The following NBAS variants were observed in gnomAD, a reference collection of about 807,000 sequenced individuals.
NBAS encodes the protein NAG/BC035112 fusion.
NBAS carries 219 observed loss-of-function variants against 302.5 expected under a neutral mutation model. The ratio of observed to expected loss-of-function variants is 0.72; its 90% confidence interval spans 0.65 to 0.81. The LOEUF (loss-of-function observed/expected upper bound fraction) is 0.81, where lower values mean the gene tolerates loss of function less well. Among genes scored for constraint, NBAS ranks in the 30% least tolerant of loss-of-function variants. The pLI is 0.00. For missense variants in NBAS, 2,932 were observed against 2,841.6 expected, an observed-to-expected ratio of 1.03 and a Z score of -0.72; for synonymous variants, 1,118 against 1,021.6, an observed-to-expected ratio of 1.09 and a Z score of -1.80.
chr2:14,838,153 T>TATA, the NBAS span, among the ~76,000 whole-genome samples: 1 of 151,964 alleles, frequency 6.6e-6, no homozygotes. Flanking sequence ...TCTCATACAT[T>TATA]ATTACTATGA....
the NBAS span, among the ~76,000 whole-genome samples, chr2:15,059,692 G>A: frequency 6.6e-6 from 1 of 152,190 alleles, no homozygotes; most frequent in Non-Finnish European, 1.5e-5. Flanking sequence ...TCATGTTGGA[G>A]AGAGGTCTAG....
the NBAS span, among the ~76,000 whole-genome samples, chr2:15,046,390 C>T: frequency 1.1e-4 from 16 of 152,210 alleles, no homozygotes; most frequent in Non-Finnish European, 1.9e-4. Context: ...TATATATCAA[C>T]CTCCAAGAAA....
chr2:14,830,972 T>C, the NBAS span, among the ~76,000 whole-genome samples: 2 of 152,132 alleles, frequency 1.3e-5, no homozygotes, highest in African/African-American at 4.8e-5. Flanking sequence ...GTGAGGCTCA[T>C]AATCAGCTCT....
chr2:15,546,393 A>T (rs1286736501), intron 6 of NBAS, among the ~76,000 whole-genome samples: 1 of 152,214 alleles, frequency 6.6e-6, no homozygotes, highest in African/African-American at 2.4e-5. Flanking sequence ...TAATCTGAGG[A>T]TCCTGAATCA....
At chr2:15,048,735 T>C in the NBAS span, among the ~76,000 whole-genome samples, 1 of 152,194 alleles carries the variant, frequency 6.6e-6, no homozygotes, top group Non-Finnish European at 1.5e-5. Flanking sequence ...ACTCCTTCAG[T>C]CCTGATTCCT....
At chr2:15,228,487 G>A (rs145061730) in intron 47 of NBAS, among the ~76,000 whole-genome samples, 1 of 152,308 alleles carries the variant, frequency 6.6e-6, no homozygotes, top group Non-Finnish European at 1.5e-5. Flanking sequence ...CCGTTACTGA[G>A]TATACATCCA....
At chr2:15,355,919 A>G (rs1207774092) in intron 33 of NBAS, among the ~76,000 whole-genome samples, 1 of 152,210 alleles carries the variant, frequency 6.6e-6, no homozygotes, top group Non-Finnish European at 1.5e-5. Context: ...ATAATACACT[A>G]TCTTTAAAAA....
At chr2:15,487,499 A>G (rs1680681805) in intron 12 of NBAS, among the ~76,000 whole-genome samples, 1 of 152,146 alleles carries the variant, frequency 6.6e-6, no homozygotes, top group Admixed American at 6.6e-5. Flanking sequence ...TGTATTTTCC[A>G]TCAGTGTTTG....
chr2:15,292,605 C>G lies in NBAS; in HGVS notation c.4959G>C (p.Lys1653Asn). The G allele has an allele frequency of 6.2e-7, 1 of 1,614,192 alleles. No homozygotes were observed. ...TQAQILQGLR[K>N]GVDVQRFTAD... ...CAGTAAACCGCTGCACGTCCACACC[C>G]TTCCGAAGGCCCTGAAGGATCTGCG... The change falls in exon 41 of 52, where the codon AAG becomes AAC. Residue 1653 changes from lysine to asparagine, a missense_variant. By Grantham distance (94) the Lys-to-Asn change is moderately conservative. Coordinates refer to ENST00000281513, the MANE Select transcript of NBAS (RefSeq NM_015909.4).
the NBAS span, among the ~76,000 whole-genome samples, chr2:14,786,827 G>T: frequency 1.3e-5 from 2 of 152,158 alleles, no homozygotes; most frequent in African/African-American, 4.8e-5. Context: ...TTCTGTAGAT[G>T]TCTATTAGGT....
chr2:15,539,113 T>C (rs1191613703), intron 7 of NBAS, 110 bp downstream of exon 7: 4 of 1,434,646 alleles, frequency 2.8e-6, no homozygotes, highest in Non-Finnish European at 3.9e-6. Context: ...CCACAGCTTA[T>C]TATTCTGATT....
chr2:15,404,749 G>T (rs558700434), intron 25 of NBAS, among the ~76,000 whole-genome samples: 142 of 152,048 alleles, frequency 9.3e-4, no homozygotes, highest in African/African-American at 3.3e-3. Context: ...TTGACCTAAG[G>T]TGATTCACCC....
At chr2:15,264,422 T>C (rs6431689) in intron 44 of NBAS, among the ~76,000 whole-genome samples, 85,307 of 152,044 alleles carry the variant, frequency 0.56, 25,810 homozygotes, top group East Asian at 0.85. Context: ...GCAGAATGCA[T>C]TAGCATTTAT....
chr2:14,797,803 G>A, the NBAS span, among the ~76,000 whole-genome samples: 1 of 152,130 alleles, frequency 6.6e-6, no homozygotes, highest in Non-Finnish European at 1.5e-5. Context: ...GGAGCCGAGC[G>A]AGGCCCAGGC....
the NBAS span, among the ~76,000 whole-genome samples, chr2:14,873,943 G>A: frequency 2.9e-3 from 437 of 151,594 alleles, 3 homozygotes; most frequent in African/African-American, 0.01. Flanking sequence ...TCAGAAAGAC[G>A]ACAAAGATAA....
the NBAS span, among the ~76,000 whole-genome samples, chr2:15,141,937 G>A: frequency 1.3e-5 from 2 of 152,288 alleles, no homozygotes; most frequent in South Asian, 2.1e-4. Context: ...GAAATAATGA[G>A]CTCTTGAAAT....
At chr2:15,283,871 A>G (rs1669929166) in intron 42 of NBAS, among the ~76,000 whole-genome samples, 1 of 152,208 alleles carries the variant, frequency 6.6e-6, no homozygotes, top group Admixed American at 6.5e-5. Context: ...TACAAAACCC[A>G]TGCTGTCATC....
rs560373682 is a variant in NBAS at position 15,173,841 on chromosome 2, A to C, written c.6840+5147T>G. Among the ~76,000 whole-genome samples the C allele has an allele frequency of 5.9e-5, 9 of 152,302 alleles. No homozygotes were observed. The South Asian group carries it at 8.3e-4, about 14-fold the overall frequency. On this transcript the variant is annotated intron_variant, in intron 51 of 51. Coordinates refer to ENST00000281513, the MANE Select transcript of NBAS (RefSeq NM_015909.4). ...ACCTACCTCCTTGCTACCTTCGTTA[A>C]TTCTTCGTGTTATTATTTCACATGT...
At chr2:14,943,090 C>T in the NBAS span, among the ~76,000 whole-genome samples, 1 of 152,164 alleles carries the variant, frequency 6.6e-6, no homozygotes, top group Non-Finnish European at 1.5e-5. Flanking sequence ...TAGCATATTC[C>T]CCAGGCTTTT....
Sources: allele counts gnomAD v4.1 joint callset (sites outside exome capture counted in the v4.1 genomes callset), GRCh38; gene constraint gnomAD v4.1.1; transcripts MANE v1.5; gene names NCBI Gene and HGNC (gene_info 2026-07-23, HGNC 2026-07-21).